Variants in CDYL observed in about 807,000 individuals in gnomAD.
CDYL encodes chromodomain Y-like protein.
CDYL carries 8 observed loss-of-function variants against 47.3 expected under a neutral mutation model. That is an observed-to-expected ratio of 0.17 (90% CI 0.10 to 0.31). CDYL has a LOEUF of 0.31. Among genes scored for constraint, CDYL ranks in the 10% least tolerant of loss-of-function variants. CDYL has a pLI of 1.00. For missense variants in CDYL, 471 were observed against 701.4 expected, an observed-to-expected ratio of 0.67 and a Z score of 3.71; for synonymous variants, 266 against 265.0, an observed-to-expected ratio of 1.00 and a Z score of -0.04.
chr6:4,883,088 C>G (rs1348337448), intron 1 of CDYL, among the ~76,000 whole-genome samples: 1 of 152,152 alleles, frequency 6.6e-6, no homozygotes, highest in African/African-American at 2.4e-5. Flanking sequence ...GCATCTGGCC[C>G]TTGCTTACAG....
At chr6:4,887,777 G>T (rs562919295) in intron 1 of CDYL, among the ~76,000 whole-genome samples, 1 of 152,148 alleles carries the variant, frequency 6.6e-6, no homozygotes, top group Admixed American at 6.5e-5. Flanking sequence ...ATCTTAGGGG[G>T]AAGCTTTTAG....
chr6:4,823,471 A>G (rs1759895420), intron 1 of CDYL, among the ~76,000 whole-genome samples: 2 of 152,234 alleles, frequency 1.3e-5, no homozygotes, highest in African/African-American at 2.4e-5. Flanking sequence ...TTCTCTTGTA[A>G]TAAAATACAT....
intron 1 of CDYL, among the ~76,000 whole-genome samples, chr6:4,821,753 C>T (rs536232484): frequency 1.7e-4 from 26 of 151,216 alleles, no homozygotes; most frequent in African/African-American, 5.6e-4. Flanking sequence ...AAAAAAAAAG[C>T]GATCCTTGGG....
intron 1 of CDYL, among the ~76,000 whole-genome samples, chr6:4,851,609 G>A (rs1760829010): frequency 6.6e-6 from 1 of 152,194 alleles, no homozygotes; most frequent in South Asian, 2.1e-4. Flanking sequence ...TTTCAGGTGG[G>A]CACGAGGACC....
intron 1 of CDYL, among the ~76,000 whole-genome samples, chr6:4,860,684 A>AC (rs1038357850): frequency 2.7e-5 from 4 of 150,564 alleles, no homozygotes; most frequent in African/African-American, 9.7e-5. Context: ...GTATTAACTT[A>AC]CACAATCACA....
intron 1 of CDYL, among the ~76,000 whole-genome samples, chr6:4,823,206 T>C (rs1389664513): frequency 6.6e-6 from 1 of 152,232 alleles, no homozygotes; most frequent in African/African-American, 2.4e-5. Flanking sequence ...CATTTACCTT[T>C]AAGACTCTTT....
intron 1 of CDYL, among the ~76,000 whole-genome samples, chr6:4,857,249 T>G (rs920862228): frequency 2.0e-5 from 3 of 152,146 alleles, no homozygotes; most frequent in African/African-American, 7.2e-5. Context: ...CCACCAAACA[T>G]CGCCAGAACT....
intron 1 of CDYL, among the ~76,000 whole-genome samples, chr6:4,708,571 T>C (rs909945811): frequency 6.6e-6 from 1 of 152,256 alleles, no homozygotes; most frequent in Non-Finnish European, 1.5e-5. Flanking sequence ...AAGATTGTAT[T>C]GGTAGGTGTT....
At chr6:4,820,480 C>CCT (rs141782191) in intron 1 of CDYL, among the ~76,000 whole-genome samples, 13 of 151,478 alleles carry the variant, frequency 8.6e-5, no homozygotes, top group South Asian at 6.3e-4. Context: ...CTGCTATTTT[C>CCT]CTCTCTCTCT....
intron 1 of CDYL, among the ~76,000 whole-genome samples, chr6:4,791,835 T>C (rs1332253139): frequency 6.6e-6 from 1 of 152,004 alleles, no homozygotes; most frequent in East Asian, 1.9e-4. Context: ...ATCGTATGCA[T>C]GGTATTTAGT....
intron 3 of CDYL, among the ~76,000 whole-genome samples, chr6:4,738,567 T>C (rs1176614201): frequency 6.6e-6 from 1 of 152,182 alleles, no homozygotes; most frequent in Non-Finnish European, 1.5e-5. Context: ...CCAAAGATTC[T>C]CATGCACTAT....
chr6:4,912,413 G>A (rs1356685567), intron 2 of CDYL, among the ~76,000 whole-genome samples: 1 of 152,252 alleles, frequency 6.6e-6, no homozygotes, highest in East Asian at 1.9e-4. Context: ...TGGCTCCTTG[G>A]GAGAGGAGTA....
At chr6:4,792,793 G>A (rs1355462870) in intron 1 of CDYL, among the ~76,000 whole-genome samples, 2 of 152,128 alleles carry the variant, frequency 1.3e-5, no homozygotes, top group Non-Finnish European at 2.9e-5. Flanking sequence ...ATTGTCTGCT[G>A]TGTTTTCATC....
At chr6:4,869,383 A>G (rs1761412088) in intron 1 of CDYL, among the ~76,000 whole-genome samples, 1 of 151,876 alleles carries the variant, frequency 6.6e-6, no homozygotes, top group Admixed American at 6.6e-5. Flanking sequence ...GGTGTGAGCC[A>G]CCGTGCCTGG....
intron 3 of CDYL, among the ~76,000 whole-genome samples, chr6:4,738,707 CAAAT>C (rs986631106): frequency 7.9e-5 from 12 of 152,138 alleles, no homozygotes; most frequent in African/African-American, 2.7e-4. Flanking sequence ...TGCAAAGAGA[CAAAT>C]AAAGATGTTT....
chr6:4,848,593 G>T (rs78933921), intron 1 of CDYL, among the ~76,000 whole-genome samples: 2 of 152,226 alleles, frequency 1.3e-5, no homozygotes, highest in African/African-American at 4.8e-5. Context: ...CAGCTGATCC[G>T]AAAGTTAAAT....
At chr6:4,735,906 G>T (rs12110757) in intron 3 of CDYL, among the ~76,000 whole-genome samples, 73 of 3,912 alleles carry the variant, frequency 0.019, no homozygotes, top group African/African-American at 0.024. Flanking sequence ...TGCACGTGAT[G>T]GGGGGGGGTG....
chr6:4,825,402 C>T (rs1013317821), intron 1 of CDYL, among the ~76,000 whole-genome samples: 10 of 151,872 alleles, frequency 6.6e-5, no homozygotes, highest in Non-Finnish European at 8.8e-5. Flanking sequence ...ATTTGGATGC[C>T]GTTTGTTTTT....
At chr6:4,927,564 C>T (rs1188457231) in intron 2 of CDYL, among the ~76,000 whole-genome samples, 3 of 151,846 alleles carry the variant, frequency 2.0e-5, no homozygotes, top group Admixed American at 1.3e-4. Flanking sequence ...TACAGGCATG[C>T]GCCACCACAC....
Sources: gnomAD v4.1 joint callset for allele counts (sites outside exome capture counted in the v4.1 genomes callset) on GRCh38, gnomAD v4.1.1 for gene constraint, MANE v1.5 for transcripts, NCBI Gene and HGNC (gene_info 2026-07-23, HGNC 2026-07-21) for gene names.